Variants in NCOR2 observed in about 807,000 individuals in gnomAD.
NCOR2 encodes CTG repeat protein 26.
In NCOR2, 81 loss-of-function variants were observed where a neutral mutation model predicts 262.9. The ratio of observed to expected loss-of-function variants is 0.31; its 90% confidence interval spans 0.26 to 0.37. The LOEUF (loss-of-function observed/expected upper bound fraction) is 0.37, where lower values mean the gene tolerates loss of function less well. NCOR2 is among the 10% of genes least tolerant of loss of function. The probability of loss-of-function intolerance (pLI) is 1.00; values close to 1 mark genes in which losing one functional copy is unlikely to be tolerated. For missense variants in NCOR2, 3,385 were observed against 3,621.4 expected, an observed-to-expected ratio of 0.93 and a Z score of 1.68; for synonymous variants, 1,659 against 1,559.3, an observed-to-expected ratio of 1.06 and a Z score of -1.51.
rs1594087607 is a variant in NCOR2, at chr12:124,566,391, C to T, written c.-165+917G>A. Among the ~76,000 whole-genome samples, 1 of 152,072 alleles carries T rather than the reference C, an allele frequency of 6.6e-6. No homozygotes were observed. The highest frequency in any genetic ancestry group is 1.5e-5 in the Non-Finnish European group (1 of 67,998). On this transcript the variant is annotated intron_variant, in intron 1 of 32. Coordinates refer to the NCOR2 transcript ENST00000458234. The surrounding 1 kb of genome is among the most constrained non-coding windows in gnomAD (Gnocchi z 4.3). The stretch of plus-strand genomic sequence containing the variant: ...CGCCGGGCGCCCCACGCTAATTGGG[C>T]CCGGGCGACAGCAGCTCCCAGGTAC...
intron 13 of NCOR2, among the ~76,000 whole-genome samples, chr12:124,416,334 C>T (rs1451154085): frequency 1.3e-5 from 2 of 152,218 alleles, no homozygotes; most frequent in African/African-American, 4.8e-5. Flanking sequence ...GGGACCCCCA[C>T]GAATCCAAAG....
chr12:124,446,749 C>A (rs1034886135), intron 7 of NCOR2, among the ~76,000 whole-genome samples: 3 of 151,966 alleles, frequency 2.0e-5, no homozygotes, highest in Non-Finnish European at 4.4e-5. Context: ...AGATTGAAAT[C>A]TAAAAAATAG....
intron 17 of NCOR2, among the ~76,000 whole-genome samples, chr12:124,381,776 G>T (rs2040426804): frequency 6.6e-6 from 1 of 152,228 alleles, no homozygotes; most frequent in East Asian, 1.9e-4. Context: ...CCAAGGCTGA[G>T]GCGGACAGAG....
At chr12:124,419,776 G>C (rs1420486001) in intron 13 of NCOR2, among the ~76,000 whole-genome samples, 181 bp downstream of exon 15, 1 of 152,222 alleles carries the variant, frequency 6.6e-6, no homozygotes. Context: ...CACCCCAGAG[G>C]GGGTCTCCCC....
chr12:124,358,559 G>A (rs550443260), intron 22 of NCOR2, among the ~76,000 whole-genome samples: 16 of 152,314 alleles, frequency 1.1e-4, no homozygotes, highest in African/African-American at 3.8e-4. Flanking sequence ...CGGCCTCCAT[G>A]AGCCTCCGGT....
chr12:124,439,190 G>A, intron 7 of NCOR2, among the ~76,000 whole-genome samples: 1 of 151,994 alleles, frequency 6.6e-6, no homozygotes, highest in African/African-American at 2.4e-5. Flanking sequence ...GAGAGAGAGA[G>A]ACGGAGACCC....
chr12:124,330,779 G>A (rs867491676), intron 44 of NCOR2, 66 bp downstream of exon 46: 1 of 1,514,132 alleles, frequency 6.6e-7, no homozygotes, highest in Non-Finnish European at 9.0e-7. Flanking sequence ...CATGACAGCT[G>A]GAGCAGGGGT....
At chr12:124,543,603 G>A (rs1002466438) in intron 1 of NCOR2, among the ~76,000 whole-genome samples, 4 of 152,198 alleles carry the variant, frequency 2.6e-5, no homozygotes, top group African/African-American at 9.7e-5. Flanking sequence ...CCCTCTCCTC[G>A]CTGCGGGGTG....
At chr12:124,453,481 G>A (rs1292368254) in intron 6 of NCOR2, among the ~76,000 whole-genome samples, 2 of 152,200 alleles carry the variant, frequency 1.3e-5, no homozygotes, top group Non-Finnish European at 2.9e-5. Context: ...GCAGAAAGAG[G>A]GCAAAGGGGA....
intron 7 of NCOR2, among the ~76,000 whole-genome samples, chr12:124,439,785 G>C (rs1269794086): frequency 6.6e-6 from 1 of 152,036 alleles, no homozygotes; most frequent in Non-Finnish European, 1.5e-5. Flanking sequence ...CCAAAGGAAG[G>C]GGACAGAGAC....
At chr12:124,354,240 T>C in intron 26 of NCOR2, 44 bp from the exon 29 acceptor site, 1 of 1,530,772 alleles carries the variant, frequency 6.5e-7, no homozygotes, top group Non-Finnish European at 8.8e-7. Flanking sequence ...TCTGTGGCCC[T>C]TCCTTCCCCA....
chr12:124,403,400 A>G (rs10846669), intron 13 of NCOR2, among the ~76,000 whole-genome samples: 22,515 of 151,540 alleles, frequency 0.15, 2,146 homozygotes, highest in East Asian at 0.48. Context: ...TGTCCCAGCC[A>G]CTCTGGGCCT....
At position 124,548,321 on chromosome 12, in the gene NCOR2, A is replaced by G. The variant is rs1229558363; in HGVS notation, c.-164-12710T>C. ...CCGGGTGGCCTCTGAATTTATTCTC[A>G]GAGCAGTGGGAAGAGAATGGAGAGT... On this transcript the variant is annotated intron_variant, in intron 1 of 32. Coordinates refer to the NCOR2 transcript ENST00000458234. This position sits in a 1 kb window ranked among gnomAD's most constrained non-coding sequence, Gnocchi z 5.1. Among the ~76,000 whole-genome samples the G allele has an allele frequency of 6.6e-6, 1 of 152,210 alleles. No individual in the cohort carries two copies. Among genetic ancestry groups the G allele is most frequent in the East Asian group, 1.9e-4 (1 of 5,198 alleles).
At chr12:124,425,145 C>T (rs1289627370) in intron 11 of NCOR2, among the ~76,000 whole-genome samples, 4 of 152,188 alleles carry the variant, frequency 2.6e-5, no homozygotes, top group Admixed American at 6.5e-5. Context: ...GAGGCCGAGA[C>T]GGGCGGATCA....
At chr12:124,533,949 G>C (rs1485796981) in intron 1 of NCOR2, among the ~76,000 whole-genome samples, 4 of 133,142 alleles carry the variant, frequency 3.0e-5, no homozygotes, top group Admixed American at 7.8e-5. Flanking sequence ...TTTTTTTTTA[G>C]TTCATCAGCT....
intron 17 of NCOR2, among the ~76,000 whole-genome samples, chr12:124,385,333 C>T (rs1486635355): frequency 2.0e-5 from 3 of 152,142 alleles, no homozygotes; most frequent in South Asian, 2.1e-4. Flanking sequence ...TCAAATGGGG[C>T]AGGGGAGCCA....
Position 124,402,493 on chromosome 12 carries a change from C to T in NCOR2, c.1551G>A (p.Gln517=), listed in dbSNP as rs749620579. 3 of 1,597,668 alleles carry T rather than the reference C, an allele frequency of 1.9e-6. No homozygotes were observed. The African/African-American group carries it at 4.0e-5, about 21-fold the overall frequency. Residue 517 remains glutamine, a synonymous_variant, in exon 14 of 47, where the codon CAG becomes CAA. Coordinates refer to ENST00000405201, the Ensembl canonical transcript of NCOR2. ...CCTTCTCCTTCTCATCTTTCTCCTC[C>T]TGGCTGCTGCGGGGCATGGGCTGCT...
chr12:124,466,243 T>C (rs747804626), exon 5 of NCOR2: 15 of 1,609,676 alleles, frequency 9.3e-6, no homozygotes, highest in Non-Finnish European at 1.3e-5. Context: ...TGACACGGGC[T>C]TCTCAGGCTC....
At chr12:124,537,782 C>G (rs2051159987), upstream of NCOR2, 1 of 152,008 alleles carries the variant, frequency 6.6e-6, no homozygotes, top group South Asian at 2.1e-4. Flanking sequence ...AAGGAGGGAG[C>G]CTTTGAAAGG....
Sources: gnomAD v4.1 joint callset for allele counts (sites outside exome capture counted in the v4.1 genomes callset) on GRCh38, gnomAD v4.1.1 for gene constraint, Gnocchi (gnomAD v3.1) non-coding constraint, MANE v1.5 for transcripts, NCBI Gene and HGNC (gene_info 2026-07-23, HGNC 2026-07-21) for gene names.